The following ATP6V0A2 variants were observed in gnomAD, a reference collection of about 807,000 sequenced individuals.
The protein encoded by ATP6V0A2 is V-type proton ATPase 116 kDa subunit a 2.
A neutral mutation model predicts 104.4 loss-of-function variants in ATP6V0A2; 58 were observed. That is an observed-to-expected ratio of 0.56 (90% CI 0.45 to 0.69). The LOEUF (loss-of-function observed/expected upper bound fraction) is 0.69. Among genes scored for constraint, ATP6V0A2 ranks in the 30% least tolerant of loss-of-function variants. The pLI is 0.00. For missense variants in ATP6V0A2, 938 were observed against 1,062.9 expected (o/e 0.88, Z 1.63); for synonymous variants, 376 against 397.9 (o/e 0.95, Z 0.65).
At chr12:123,716,922 C>T (rs2135876846) in intron 1 of ATP6V0A2, among the ~76,000 whole-genome samples, 1 of 152,270 alleles carries the variant, frequency 6.6e-6, no homozygotes, top group East Asian at 1.9e-4. Context: ...CCCCAGCACC[C>T]ACTAATCTGC....
chr12:123,718,739 C>T (rs750549534), intron 2 of ATP6V0A2, 38 bp downstream of exon 2: 5 of 1,436,774 alleles, frequency 3.5e-6, no homozygotes. Context: ...TAAATAATTA[C>T]CTTTATATAG....
At chr12:123,748,545 G>C in intron 14 of ATP6V0A2, 30 bp from the exon 15 acceptor site, 2 of 1,524,272 alleles carry the variant, frequency 1.3e-6, no homozygotes, top group Non-Finnish European at 1.8e-6. Flanking sequence ...GATCTTGTTC[G>C]TGGGTTGATT....
At position 123,758,680 on chromosome 12, in the gene ATP6V0A2, C is replaced by G. The variant is rs1358103140; in HGVS notation, c.*648C>G. ...GGATTACAGGCATGCGCCACCGTGA[C>G]CAGCTAATTTTTTTGTATTTTTGTA... On this transcript the variant is annotated 3_prime_UTR_variant, in exon 20 of 20. Coordinates refer to ENST00000330342, the MANE Select transcript of ATP6V0A2 (RefSeq NM_012463.4). 6.6e-6 allele frequency: 1 copy of G among 152,090 alleles called. No homozygotes were observed. Among genetic ancestry groups the G allele is most frequent in the Non-Finnish European group, 1.5e-5 (1 of 68,068 alleles). 9.4% of individuals were successfully genotyped at this position (152,090 alleles called of 1,614,324 possible). A position where few individuals can be genotyped will look rare whatever the true frequency, so the allele number is the denominator to read the frequency against.
chr12:123,729,002 A>AGTTCCATTACTGGTCGTGGTCCCTCTG (rs1566278604), intron 6 of ATP6V0A2, among the ~76,000 whole-genome samples: 240 of 150,566 alleles, frequency 1.6e-3, no homozygotes, highest in East Asian at 4.5e-3. Context: ...TCACTTGATT[A>AGTTCCATTACTGGTCGTGGTCCCTCTG]AGGCACTTCT....
intron 7 of ATP6V0A2, among the ~76,000 whole-genome samples, chr12:123,734,748 G>A (rs868736041): frequency 6.6e-6 from 1 of 152,144 alleles, no homozygotes; most frequent in Non-Finnish European, 1.5e-5. Flanking sequence ...GGGTGGAGGG[G>A]GGTTTGGGCA....
chr12:123,717,297 A>G (rs1016247782), intron 1 of ATP6V0A2, among the ~76,000 whole-genome samples: 10 of 144,518 alleles, frequency 6.9e-5, no homozygotes, highest in Non-Finnish European at 3.0e-5. Context: ...CCTGGGCAAC[A>G]GAGCGAAACT....
intron 13 of ATP6V0A2, among the ~76,000 whole-genome samples, chr12:123,746,791 ACAAAAAT>A (rs1181295223): frequency 6.6e-6 from 1 of 152,070 alleles, no homozygotes; most frequent in East Asian, 1.9e-4. Context: ...TACTAAAAAT[ACAAAAAT>A]CAGCCAGGCA....
chr12:123,747,908 A>G (rs1409903030), intron 14 of ATP6V0A2, among the ~76,000 whole-genome samples, 183 bp downstream of exon 14: 1 of 152,128 alleles, frequency 6.6e-6, no homozygotes, highest in Non-Finnish European at 1.5e-5. Flanking sequence ...GCAAATATGT[A>G]TTTATCGAGC....
chr12:123,717,446 C>CTT (rs58386561), intron 1 of ATP6V0A2, among the ~76,000 whole-genome samples: 2 of 140,934 alleles, frequency 1.4e-5, no homozygotes, highest in African/African-American at 5.3e-5. Context: ...TTCTTTCTTT[C>CTT]TTTTTTTTTT....
chr12:123,733,309 G>A (rs1321023763), intron 6 of ATP6V0A2: 1 of 105,570 alleles, frequency 9.5e-6, no homozygotes, highest in Non-Finnish European at 2.0e-5. Flanking sequence ...GAGAGACTCT[G>A]TCTCAAAAAA....
chr12:123,746,566 A>G (rs1387408087), intron 13 of ATP6V0A2, among the ~76,000 whole-genome samples: 1 of 147,948 alleles, frequency 6.8e-6, no homozygotes, highest in Non-Finnish European at 1.5e-5. Context: ...TGCTTGAGCC[A>G]GGTCAAGGCT....
Position 123,712,388 on chromosome 12 carries a change from G to A in ATP6V0A2, c.-178G>A. The A allele has an allele frequency of 5.5e-6, 2 of 364,204 alleles. No individual in the cohort carries two copies. Among genetic ancestry groups the A allele is most frequent in the Non-Finnish European group, 4.8e-6 (1 of 206,882 alleles). 22.6% of individuals were successfully genotyped at this position (364,204 alleles called of 1,614,324 possible). A position where few individuals can be genotyped will look rare whatever the true frequency, so the allele number is the denominator to read the frequency against. On this transcript the variant is annotated 5_prime_UTR_variant, in exon 1 of 20. Transcript: ENST00000330342. ...GGACTGCTGTGGCGGCAGCTGGAGCGGCGGCCGCGGTGGCAGAACCGGGGG... is the reference window on the plus strand; with the variant it reads ...GGACTGCTGTGGCGGCAGCTGGAGCAGCGGCCGCGGTGGCAGAACCGGGGG...
rs1402552619 is a variant in ATP6V0A2 at position 123,744,887 on chromosome 12, G to T, written c.1520G>T (p.Ser507Ile). 1 of 1,614,152 alleles carries T rather than the reference G, an allele frequency of 6.2e-7. No individual in the cohort carries two copies. Among genetic ancestry groups the T allele is most frequent in the Admixed American group, 1.7e-5 (1 of 59,996 alleles). Reference protein sequence around the residue: ...EHKKMVLWNDSVVRHNSILQL... With the variant: ...EHKKMVLWNDIVVRHNSILQL... Reference sequence around the variant, plus strand: ...CACTCTGCTTTTTGTTACAGTGACAGCGTCGTTAGACACAACAGCATTTTG... The same window carrying T: ...CACTCTGCTTTTTGTTACAGTGACATCGTCGTTAGACACAACAGCATTTTG... The change falls in exon 13 of 20, where the codon AGC becomes ATC. Residue 507 changes from serine to isoleucine, a missense_variant. By Grantham distance (142) the Ser-to-Ile change is moderately radical. Coordinates refer to ENST00000330342, the MANE Select transcript of ATP6V0A2 (RefSeq NM_012463.4). The surrounding 1 kb of genome is among the most constrained non-coding windows in gnomAD (Gnocchi z 5.4).
chr12:123,714,188 A>G (rs1448836823), intron 1 of ATP6V0A2, among the ~76,000 whole-genome samples: 1 of 152,230 alleles, frequency 6.6e-6, no homozygotes. Context: ...CGTACTAATC[A>G]CTATGAAGGT....
intron 14 of ATP6V0A2, 27 bp from the exon 15 acceptor site, chr12:123,748,548 G>A (rs1381436477): frequency 1.9e-6 from 3 of 1,545,892 alleles, no homozygotes; most frequent in Non-Finnish European, 2.7e-6. Flanking sequence ...CTTGTTCGTG[G>A]GTTGATTGAT....
rs1295585374 is a variant in ATP6V0A2 at position 123,735,605 on chromosome 12, G to A, written c.806G>A (p.Arg269His). 5.0e-6 allele frequency: 8 copies of A among 1,613,464 alleles called. No individual in the cohort carries two copies. Among genetic ancestry groups the A allele is most frequent in the Admixed American group, 1.7e-5 (1 of 59,980 alleles). Reference protein sequence around the residue: ...RREIQEGLNTRIQDLYTVLHK... With the variant: ...RREIQEGLNTHIQDLYTVLHK... ...GAGATCCAGGAGGGGCTGAACACCCGCATCCAGGATCTCTACACTGTGAGT... is the reference window on the plus strand; with the variant it reads ...GAGATCCAGGAGGGGCTGAACACCCACATCCAGGATCTCTACACTGTGAGT... Residue 269 changes from arginine (R) to histidine (H), a missense_variant, in exon 8 of 20, where the codon CGC (arginine) becomes CAC (histidine). Transcript: ENST00000330342.
At chr12:123,757,373 A>G (rs1289003914) in intron 19 of ATP6V0A2, among the ~76,000 whole-genome samples, 3 of 152,064 alleles carry the variant, frequency 2.0e-5, no homozygotes, top group Admixed American at 2.0e-4. Context: ...CCCAGCAGGC[A>G]GAGGTTGCAG....
At chr12:123,724,518 G>C (rs1956429508) in intron 3 of ATP6V0A2, 136 bp from the exon 4 acceptor site, 1 of 807,556 alleles carries the variant, frequency 1.2e-6, no homozygotes, top group Admixed American at 2.3e-5. Context: ...GACAGAGGGA[G>C]ACTCCATCTC....
chr12:123,731,016 A>G (rs1213941566), intron 6 of ATP6V0A2: 1 of 152,194 alleles, frequency 6.6e-6, no homozygotes, highest in South Asian at 2.1e-4. Flanking sequence ...TCTTATGCCA[A>G]ATTTTTATGG....
Sources: allele counts gnomAD v4.1 joint callset (sites outside exome capture counted in the v4.1 genomes callset), GRCh38; gene constraint gnomAD v4.1.1; non-coding constraint Gnocchi (gnomAD v3.1); transcripts MANE v1.5; gene names NCBI Gene and HGNC (gene_info 2026-07-23, HGNC 2026-07-21).